The following ZNF385B variants were observed in gnomAD, a reference collection of about 807,000 sequenced individuals.
The protein encoded by ZNF385B is zinc finger protein 385B, also known as zinc finger protein 533.
ZNF385B carries 23 observed loss-of-function variants against 39.2 expected under a neutral mutation model. The observed-to-expected ratio is 0.59, with a 90% CI of 0.42 to 0.83. The LOEUF (loss-of-function observed/expected upper bound fraction) is 0.83. Ranked by LOEUF, ZNF385B falls within the 40% of genes least tolerant of loss-of-function variation. The pLI is 0.00. For synonymous variants in ZNF385B, 205 were observed against 222.6 expected (o/e 0.92, Z 0.70); for missense variants, 552 against 598.9 (o/e 0.92, Z 0.82).
chr2:179,522,640 T>G (rs1045513281), intron 4 of ZNF385B, among the ~76,000 whole-genome samples: 4 of 152,164 alleles, frequency 2.6e-5, no homozygotes, highest in African/African-American at 9.6e-5. Context: ...TTATAGACAT[T>G]CGATTGTTAA....
intron 1 of ZNF385B, among the ~76,000 whole-genome samples, chr2:179,824,419 TTG>T (rs112552888): frequency 1.3e-3 from 200 of 152,248 alleles, no homozygotes; most frequent in African/African-American, 4.2e-3. Flanking sequence ...ATTTATCAGA[TTG>T]TGACTCTTCT....
chr2:179,576,868 C>T (rs1685881410), intron 3 of ZNF385B, among the ~76,000 whole-genome samples: 1 of 152,074 alleles, frequency 6.6e-6, no homozygotes, highest in South Asian at 2.1e-4. Context: ...CAGGGTAAGT[C>T]CAATTGATCA....
chr2:179,507,839 G>T (rs962451367), intron 5 of ZNF385B, among the ~76,000 whole-genome samples: 1 of 152,044 alleles, frequency 6.6e-6, no homozygotes, highest in Non-Finnish European at 1.5e-5. Flanking sequence ...TTCCTCATAT[G>T]CTGTCTCCAC....
intron 3 of ZNF385B, among the ~76,000 whole-genome samples, chr2:179,698,634 T>A (rs1698945322): frequency 6.6e-6 from 1 of 152,218 alleles, no homozygotes; most frequent in Admixed American, 6.5e-5. Flanking sequence ...ACTGTTATTA[T>A]GCCATTAAAC....
chr2:179,463,200 A>G (rs1018817544), intron 6 of ZNF385B, among the ~76,000 whole-genome samples: 1 of 152,026 alleles, frequency 6.6e-6, no homozygotes, highest in Non-Finnish European at 1.5e-5. Flanking sequence ...CATTGCTCCA[A>G]ATCTCTTATG....
At chr2:179,602,352 C>T (rs3106710) in intron 3 of ZNF385B, among the ~76,000 whole-genome samples, 33,595 of 152,014 alleles carry the variant, frequency 0.22, 4,311 homozygotes, top group East Asian at 0.61. Flanking sequence ...TGTGCCACCA[C>T]GCCTGGCTAA....
chr2:179,674,603 A>G (rs1696497623), intron 3 of ZNF385B, among the ~76,000 whole-genome samples: 2 of 152,176 alleles, frequency 1.3e-5, no homozygotes, highest in Non-Finnish European at 2.9e-5. Context: ...CAGCTTCAAC[A>G]ATTTAGCAAA....
chr2:179,651,622 ATAAAAATATTT>A (rs1693201378), intron 3 of ZNF385B, among the ~76,000 whole-genome samples: 1 of 152,182 alleles, frequency 6.6e-6, no homozygotes, highest in Non-Finnish European at 1.5e-5. Flanking sequence ...TTCACTACAA[ATAAAAATATTT>A]TAAAAATAAA....
intron 3 of ZNF385B, among the ~76,000 whole-genome samples, chr2:179,765,313 G>A (rs1448344945): frequency 6.6e-6 from 1 of 152,008 alleles, no homozygotes; most frequent in East Asian, 1.9e-4. Context: ...ATGCTGCCTA[G>A]TACAAACTCC....
chr2:179,604,092 T>C (rs375150003), intron 3 of ZNF385B, among the ~76,000 whole-genome samples: 1 of 152,166 alleles, frequency 6.6e-6, no homozygotes, highest in South Asian at 2.1e-4. Context: ...GAAATCCAAG[T>C]ATCCATTCAG....
chr2:179,599,001 A>G (rs1188243484), intron 3 of ZNF385B, among the ~76,000 whole-genome samples: 1 of 152,216 alleles, frequency 6.6e-6, no homozygotes. Context: ...ATCCCTAATT[A>G]AAGACATTTA....
At chr2:179,710,871 A>G (rs1281887591) in intron 3 of ZNF385B, among the ~76,000 whole-genome samples, 1 of 152,198 alleles carries the variant, frequency 6.6e-6, no homozygotes, top group Non-Finnish European at 1.5e-5. Flanking sequence ...TCACCTGAGT[A>G]CCTGGAGCCA....
chr2:179,583,809 G>C (rs1420683428), intron 3 of ZNF385B, among the ~76,000 whole-genome samples: 1 of 152,146 alleles, frequency 6.6e-6, no homozygotes, highest in African/African-American at 2.4e-5. Context: ...CCCATGATCA[G>C]TATCTCAAAC....
chr2:179,523,963 T>A (rs2058690160), intron 4 of ZNF385B, among the ~76,000 whole-genome samples: 2 of 151,988 alleles, frequency 1.3e-5, no homozygotes, highest in South Asian at 2.1e-4. Flanking sequence ...TTTTTTTAAA[T>A]TTTTATTTAT....
At chr2:179,641,680 A>G (rs903954230) in intron 3 of ZNF385B, among the ~76,000 whole-genome samples, 1 of 131,108 alleles carries the variant, frequency 7.6e-6, no homozygotes, top group Non-Finnish European at 1.6e-5. Context: ...TTTTAATTCT[A>G]TGACATAACC....
intron 3 of ZNF385B, chr2:179,746,115 A>G: frequency 1.2e-6 from 1 of 839,076 alleles, no homozygotes; most frequent in Non-Finnish European, 1.4e-6. Flanking sequence ...AATGCATGAA[A>G]TCAGCCACTG....
At chr2:179,455,339 G>C (rs989931625) in intron 6 of ZNF385B, among the ~76,000 whole-genome samples, 4 of 151,848 alleles carry the variant, frequency 2.6e-5, no homozygotes, top group African/African-American at 9.7e-5. Flanking sequence ...GTGTGTCATG[G>C]GCTGGAGCCG....
chr2:179,845,682 T>C (rs187653151), intron 1 of ZNF385B, among the ~76,000 whole-genome samples: 173 of 152,336 alleles, frequency 1.1e-3, no homozygotes, highest in Admixed American at 0.01. Flanking sequence ...CACATGACCC[T>C]TTCAGATGGT....
At chr2:179,631,830 C>T (rs1006628741) in intron 3 of ZNF385B, among the ~76,000 whole-genome samples, 7 of 151,566 alleles carry the variant, frequency 4.6e-5, no homozygotes, top group African/African-American at 1.5e-4. Flanking sequence ...GGAAGATCTA[C>T]CAGGCAAATA....
Sources: allele counts gnomAD v4.1 joint callset (sites outside exome capture counted in the v4.1 genomes callset), GRCh38; gene constraint gnomAD v4.1.1; transcripts MANE v1.5; gene names NCBI Gene and HGNC (gene_info 2026-07-23, HGNC 2026-07-21).